The following WDR70 variants were observed in gnomAD, a reference collection of about 807,000 sequenced individuals.
WDR70 encodes the protein WD repeat-containing protein 70.
Under a neutral mutation model 88.6 loss-of-function variants are expected in WDR70, and 53 were observed. The ratio of observed to expected loss-of-function variants is 0.60; its 90% CI spans 0.48 to 0.75. WDR70 has a LOEUF of 0.75. Among genes scored for constraint, WDR70 ranks in the 30% least tolerant of loss-of-function variants. WDR70 has a pLI of 0.00. For missense variants in WDR70, 610 were observed against 823.2 expected, an observed-to-expected ratio of 0.74 and a Z score of 3.17; for synonymous variants, 280 against 270.0, an observed-to-expected ratio of 1.04 and a Z score of -0.36.
At chr5:37,578,042 G>T (rs1447492376) in intron 9 of WDR70, among the ~76,000 whole-genome samples, 1 of 81,612 alleles carries the variant, frequency 1.2e-5, no homozygotes, top group Non-Finnish European at 2.4e-5. Flanking sequence ...GGAGGAAAAG[G>T]CTTCAAGGAA....
At position 37,439,909 on chromosome 5, in the gene WDR70, G is replaced by GTTTCTGAATGTGCAAATGTACACTC. The variant is rs1279144479; in HGVS notation, c.552+1942_552+1943insAATGTACACTCTTTCTGAATGTGCA. 3.9e-5 allele frequency among the ~76,000 whole-genome samples: 6 copies of GTTTCTGAATGTGCAAATGTACACTC among 151,962 alleles called. 1 individual carries two copies. In the South Asian group the frequency reaches 1.0e-3, roughly 26 times the overall value. On this transcript the variant is annotated intron_variant, in intron 6 of 17. Coordinates refer to ENST00000265107, the MANE Select transcript of WDR70 (RefSeq NM_018034.4). Reference sequence around the variant, plus strand: ...AACCTCTAAGAGATAATATTGGGCTGTTTCTGAATGTGCACACGTACACTC... The same window carrying GTTTCTGAATGTGCAAATGTACACTC: ...AACCTCTAAGAGATAATATTGGGCTGTTTCTGAATGTGCAAATGTACACTCTTTCTGAATGTGCACACGTACACTC...
intron 6 of WDR70, among the ~76,000 whole-genome samples, chr5:37,441,173 G>C (rs752644160): frequency 5.9e-5 from 9 of 152,178 alleles, no homozygotes; most frequent in South Asian, 2.1e-4. Flanking sequence ...CATAATGAAC[G>C]TAGAGGCAAG....
At chr5:37,591,550 G>A (rs1052232564) in intron 9 of WDR70, among the ~76,000 whole-genome samples, 1 of 152,184 alleles carries the variant, frequency 6.6e-6, no homozygotes, top group African/African-American at 2.4e-5. Context: ...GACTGGATGT[G>A]TAATTAAAAA....
chr5:37,644,709 G>A (rs959301216), intron 10 of WDR70, among the ~76,000 whole-genome samples: 3 of 151,740 alleles, frequency 2.0e-5, no homozygotes, highest in Non-Finnish European at 4.4e-5. Context: ...CTTGGTAAGG[G>A]TTATGTATTT....
rs139535799 is a variant in WDR70, at chr5:37,500,225, A to G, written c.841-16289A>G. ...ATTCCTGAGTTACCTCACTTAGAAT[A>G]ATGGTCTCCAGCTCCATCCAAGTTG... is the stretch of plus-strand genomic sequence containing the variant. On this transcript the variant is annotated intron_variant, in intron 8 of 17. Coordinates refer to ENST00000265107, the MANE Select transcript of WDR70 (RefSeq NM_018034.4). 1.4e-4 allele frequency among the ~76,000 whole-genome samples: 22 copies of G among 152,338 alleles called. No individual in the cohort carries two copies. In the East Asian group the frequency reaches 3.1e-3, roughly 21 times the overall value.
chr5:37,645,108 T>A (rs901727375), intron 10 of WDR70, among the ~76,000 whole-genome samples: 2 of 152,090 alleles, frequency 1.3e-5, no homozygotes, highest in East Asian at 3.9e-4. Context: ...TGTAAGTGCT[T>A]ATAGCTATAA....
At position 37,676,715 on chromosome 5, in the gene WDR70, C is replaced by T. The variant is rs578015050; in HGVS notation, c.1093-20940C>T. ...ATTCTCTTTTTTGGTTGTGTCTCTG[C>T]CAGGCTTTGGTATCAGGATGATGCT... On this transcript the variant is annotated intron_variant, in intron 10 of 17. Coordinates refer to ENST00000265107, the MANE Select transcript of WDR70 (RefSeq NM_018034.4). Among the ~76,000 whole-genome samples, 27 of 151,682 alleles carry T rather than the reference C, an allele frequency of 1.8e-4. 1 individual carries two copies. The highest frequency in any genetic ancestry group is 6.3e-4 in the African/African-American group (26 of 41,138).
chr5:37,554,722 G>A (rs1581389351), intron 9 of WDR70, among the ~76,000 whole-genome samples: 1 of 150,952 alleles, frequency 6.6e-6, no homozygotes, highest in East Asian at 1.9e-4. Flanking sequence ...AATAGACAGG[G>A]TATTGCTATG....
At chr5:37,404,820 C>T (rs1172912407) in intron 5 of WDR70, among the ~76,000 whole-genome samples, 6 of 152,056 alleles carry the variant, frequency 3.9e-5, no homozygotes, top group African/African-American at 7.2e-5. Flanking sequence ...ATTTCCTTTA[C>T]ACTCAATAGC....
intron 5 of WDR70, among the ~76,000 whole-genome samples, chr5:37,407,220 G>A (rs535541743): frequency 6.6e-6 from 1 of 152,116 alleles, no homozygotes; most frequent in East Asian, 1.9e-4. Flanking sequence ...AGCTTTTCAA[G>A]ACATAACATT....
chr5:37,459,465 C>T (rs1342897586), intron 7 of WDR70, among the ~76,000 whole-genome samples: 2 of 137,152 alleles, frequency 1.5e-5, no homozygotes, highest in African/African-American at 5.3e-5. Context: ...ATAAATGGTG[C>T]TGGGAAAACT....
intron 9 of WDR70, among the ~76,000 whole-genome samples, chr5:37,538,900 TGAG>T (rs1200622212): frequency 1.3e-5 from 2 of 152,226 alleles, no homozygotes; most frequent in Non-Finnish European, 1.5e-5. Flanking sequence ...TATGATCTAA[TGAG>T]GAACTATTTT....
intron 10 of WDR70, among the ~76,000 whole-genome samples, chr5:37,643,600 T>G (rs1173842509): frequency 6.6e-6 from 1 of 152,068 alleles, no homozygotes; most frequent in Non-Finnish European, 1.5e-5. Flanking sequence ...TTTAACAATA[T>G]TGATTCTTCC....
intron 10 of WDR70, chr5:37,688,071 T>A: frequency 2.0e-6 from 1 of 499,442 alleles, no homozygotes; most frequent in South Asian, 3.5e-5. Context: ...ATGTGTTTAC[T>A]TATATTTTCA....
At chr5:37,679,627 G>A (rs1398603790) in intron 10 of WDR70, among the ~76,000 whole-genome samples, 1 of 152,228 alleles carries the variant, frequency 6.6e-6, no homozygotes, top group East Asian at 1.9e-4. Context: ...CGTGTGAGGT[G>A]TCAGTCTGCC....
intron 9 of WDR70, among the ~76,000 whole-genome samples, chr5:37,595,547 A>G (rs538524072): frequency 6.6e-6 from 1 of 152,178 alleles, no homozygotes; most frequent in Non-Finnish European, 1.5e-5. Flanking sequence ...TGTAATCTCA[A>G]TTAAATTCCA....
At chr5:37,522,844 G>A (rs12659377) in intron 9 of WDR70, among the ~76,000 whole-genome samples, 20,517 of 152,252 alleles carry the variant, frequency 0.13, 1,807 homozygotes, top group East Asian at 0.36. Flanking sequence ...TTCTGTGCCT[G>A]GCTCAGAGGG....
At chr5:37,554,678 G>A (rs1002375538) in intron 9 of WDR70, among the ~76,000 whole-genome samples, 13 of 147,766 alleles carry the variant, frequency 8.8e-5, no homozygotes, top group Admixed American at 2.7e-4. Context: ...GCACCTGCAC[G>A]CACACACACA....
chr5:37,451,425 G>A (rs1738673824), intron 7 of WDR70, among the ~76,000 whole-genome samples: 1 of 152,220 alleles, frequency 6.6e-6, no homozygotes, highest in African/African-American at 2.4e-5. Context: ...GTCACATGGG[G>A]TTACTGAATA....
Sources: gnomAD v4.1 joint callset for allele counts (sites outside exome capture counted in the v4.1 genomes callset) on GRCh38, gnomAD v4.1.1 for gene constraint, MANE v1.5 for transcripts, NCBI Gene and HGNC (gene_info 2026-07-23, HGNC 2026-07-21) for gene names.